Variants in RBM25 observed in about 807,000 individuals in gnomAD.
RBM25 encodes the protein RNA-binding protein 25.
In RBM25, 19 loss-of-function variants were observed where a neutral mutation model predicts 120.7. That is an observed-to-expected ratio of 0.16 (90% CI 0.11 to 0.23). The LOEUF (loss-of-function observed/expected upper bound fraction) is 0.23, where lower values mean the gene tolerates loss of function less well. Among genes scored for constraint, RBM25 ranks in the 10% least tolerant of loss-of-function variants. The pLI is 1.00. For missense variants in RBM25, 605 were observed against 1,041.5 expected (o/e 0.58, Z 5.77); for synonymous variants, 390 against 326.7 (o/e 1.19, Z -2.09).
chr14:73,097,388 A>G (rs1009642636), intron 7 of RBM25, among the ~76,000 whole-genome samples: 33 of 150,834 alleles, frequency 2.2e-4, no homozygotes, highest in African/African-American at 8.0e-4. Flanking sequence ...TTTAGTAGAG[A>G]CGGGGTTTCA....
chr14:73,098,738 G>C (rs1390191830), intron 7 of RBM25, among the ~76,000 whole-genome samples: 1 of 151,848 alleles, frequency 6.6e-6, no homozygotes, highest in Non-Finnish European at 1.5e-5. Context: ...CTGCCTCCCG[G>C]GTTCAAGCGA....
Position 73,111,086 on chromosome 14 carries a change from C to T in RBM25, c.1948C>T (p.His650Tyr). 1 of 1,614,188 alleles carries T rather than the reference C, an allele frequency of 6.2e-7. No homozygotes were observed. Among genetic ancestry groups the T allele is most frequent in the Non-Finnish European group, 8.5e-7 (1 of 1,180,034 alleles). ...DESPCGIIIP[H>Y]ENSPDQQQPE... Reference sequence around the variant, plus strand: ...GTCTCCCTGTGGTATTATTATTCCTCATGAAAACTCACCAGATCAACAGCA... The same window carrying T: ...GTCTCCCTGTGGTATTATTATTCCTTATGAAAACTCACCAGATCAACAGCA... Residue 650 changes from histidine (H) to tyrosine (Y), a missense_variant, in exon 15 of 19, where the codon CAT becomes TAT. This residue lies in a region of RBM25 where 465 missense variants were observed against 741.6 expected (regional missense o/e 0.63). Coordinates refer to ENST00000261973, the MANE Select transcript of RBM25 (RefSeq NM_021239.3).
intron 4 of RBM25, among the ~76,000 whole-genome samples, chr14:73,080,030 A>C (rs1407435495): frequency 6.7e-6 from 1 of 150,056 alleles, no homozygotes; most frequent in Admixed American, 6.7e-5. Flanking sequence ...CTGTTTTGCT[A>C]TGTTATTACT....
chr14:73,102,873 T>C (rs1896081982), intron 9 of RBM25: 1 of 251,804 alleles, frequency 4.0e-6, no homozygotes, highest in Non-Finnish European at 7.6e-6. Flanking sequence ...ATCGTATTCA[T>C]AGAAAATATT....
At chr14:73,103,011 C>A in intron 9 of RBM25, 181 bp from the exon 10 acceptor site, 1 of 1,324,548 alleles carries the variant, frequency 7.5e-7, no homozygotes, top group Non-Finnish European at 1.0e-6. Flanking sequence ...TATGGTTTTG[C>A]ACGAAATCTT....
chr14:73,065,610 G>T (rs938895037), intron 1 of RBM25, among the ~76,000 whole-genome samples: 4 of 151,980 alleles, frequency 2.6e-5, no homozygotes, highest in African/African-American at 9.7e-5. Flanking sequence ...ATTAGATACG[G>T]GGTTTCGCCG....
chr14:73,105,433 A>G (rs1896164769), intron 10 of RBM25, among the ~76,000 whole-genome samples: 1 of 152,056 alleles, frequency 6.6e-6, no homozygotes, highest in African/African-American at 2.4e-5. Context: ...GCCAGCACTT[A>G]CTCCTTGATC....
rs141841381 is a variant in RBM25, at chr14:73,103,174, G to A, written c.868-18G>A. 5.2e-5 allele frequency: 83 copies of A among 1,601,920 alleles called. No homozygotes were observed. The East Asian group carries it at 1.9e-3, about 36-fold the overall frequency. ...GAGCTACAGAGTTAACTCTAAAAGT[G>A]CTTTTATTGGTTTCTAGAAACTGGA... is the stretch of plus-strand genomic sequence containing the variant. On this transcript the variant is annotated intron_variant, in intron 9 of 18. Coordinates refer to ENST00000261973, the MANE Select transcript of RBM25 (RefSeq NM_021239.3).
intron 9 of RBM25, chr14:73,101,781 G>A (rs1896061378): frequency 6.6e-6 from 1 of 152,090 alleles, no homozygotes; most frequent in African/African-American, 2.4e-5. Context: ...ATAAGTGTAT[G>A]CCATTGAGGT....
chr14:73,078,763 C>T (rs1239421737), intron 4 of RBM25, among the ~76,000 whole-genome samples: 1 of 152,160 alleles, frequency 6.6e-6, no homozygotes, highest in Non-Finnish European at 1.5e-5. Context: ...TGCCATGACA[C>T]CTGGCTCATT....
intron 2 of RBM25, among the ~76,000 whole-genome samples, chr14:73,074,991 CT>C (rs34580918): frequency 0.06 from 8,275 of 137,222 alleles, 439 homozygotes; most frequent in African/African-American, 0.16. Context: ...CACTCCCTGC[CT>C]TTTTTTTTTT....
At chr14:73,080,466 G>C (rs1895534484) in intron 4 of RBM25, among the ~76,000 whole-genome samples, 1 of 151,980 alleles carries the variant, frequency 6.6e-6, no homozygotes, top group African/African-American at 2.4e-5. Context: ...CTCGTGATCT[G>C]CCCGCTTTGG....
At chr14:73,109,243 G>T in intron 13 of RBM25, 99 bp from the exon 14 acceptor site, 1 of 1,261,576 alleles carries the variant, frequency 7.9e-7, no homozygotes, top group Non-Finnish European at 1.1e-6. Context: ...CTCTTAGCAT[G>T]CAGGTTGTAA....
At chr14:73,118,624 T>C (rs1009698628) in intron 18 of RBM25, among the ~76,000 whole-genome samples, 1 of 152,330 alleles carries the variant, frequency 6.6e-6, no homozygotes, top group Admixed American at 6.5e-5. Context: ...GAAGTAGTTT[T>C]GTCAGACATG....
At chr14:73,083,990 T>A (rs1594909668) in intron 5 of RBM25, among the ~76,000 whole-genome samples, 2 of 151,530 alleles carry the variant, frequency 1.3e-5, no homozygotes, top group African/African-American at 4.9e-5. Flanking sequence ...CTCTGCCTCC[T>A]GGGTTGGAGC....
chr14:73,117,118 T>C (rs750141217), intron 18 of RBM25, among the ~76,000 whole-genome samples: 7 of 151,702 alleles, frequency 4.6e-5, no homozygotes, highest in Non-Finnish European at 8.8e-5. Context: ...CAAATCTGGC[T>C]CATAGAAATC....
intron 18 of RBM25, among the ~76,000 whole-genome samples, chr14:73,117,638 G>A (rs2140468551): frequency 6.6e-6 from 1 of 152,270 alleles, no homozygotes; most frequent in Middle Eastern, 3.4e-3. Context: ...GCTATGGTGT[G>A]TAGCTACATC....
At chr14:73,092,233 C>T (rs1179894356) in intron 6 of RBM25, among the ~76,000 whole-genome samples, 9 of 113,258 alleles carry the variant, frequency 7.9e-5, no homozygotes, top group Admixed American at 5.4e-4. Context: ...AGATGAAAGT[C>T]GGAGAGTGAG....
intron 1 of RBM25, among the ~76,000 whole-genome samples, chr14:73,062,198 C>T (rs923324703): frequency 6.6e-6 from 1 of 151,488 alleles, no homozygotes; most frequent in African/African-American, 2.4e-5. Flanking sequence ...AAAAGATCAA[C>T]TCTTTTTTGG....
Sources: gnomAD v4.1 joint callset for allele counts (sites outside exome capture counted in the v4.1 genomes callset) on GRCh38, gnomAD v4.1.1 for gene constraint, gnomAD v4.1.1 regional missense constraint, MANE v1.5 for transcripts, NCBI Gene and HGNC (gene_info 2026-07-23, HGNC 2026-07-21) for gene names.